MAML2: variants seen among roughly 807,000 people sequenced by gnomAD.
The protein encoded by MAML2 is mastermind like transcriptional coactivator 2, also known as mastermind-like protein 2.
MAML2 carries 22 observed loss-of-function variants against 96.1 expected under a neutral mutation model. The observed-to-expected ratio is 0.23, with a 90% CI of 0.16 to 0.33. The LOEUF (loss-of-function observed/expected upper bound fraction) is 0.33. Ranked by LOEUF, MAML2 falls within the 10% of genes least tolerant of loss-of-function variation. The probability of loss-of-function intolerance (pLI) is 1.00; values close to 1 mark genes in which losing one functional copy is unlikely to be tolerated. For missense variants in MAML2, 1,367 were observed against 1,392.4 expected, an observed-to-expected ratio of 0.98 and a Z score of 0.29; for synonymous variants, 561 against 521.3, an observed-to-expected ratio of 1.08 and a Z score of -1.04.
intron 1 of MAML2, among the ~76,000 whole-genome samples, chr11:96,236,523 C>A (rs1862369526): frequency 6.6e-6 from 1 of 152,140 alleles, no homozygotes; most frequent in Admixed American, 6.5e-5. Context: ...AGCCAGAAAT[C>A]ATTCGTTCTT....
At chr11:96,011,286 A>G (rs1805285934) in intron 2 of MAML2, among the ~76,000 whole-genome samples, 1 of 152,234 alleles carries the variant, frequency 6.6e-6, no homozygotes, top group Non-Finnish European at 1.5e-5. Flanking sequence ...TCATTGCAAC[A>G]CTGTTTACAA....
intron 2 of MAML2, among the ~76,000 whole-genome samples, chr11:96,004,338 A>G (rs1300122399): frequency 6.6e-6 from 1 of 152,206 alleles, no homozygotes; most frequent in Non-Finnish European, 1.5e-5. Context: ...TAGTTCTTAA[A>G]TCAAAATGAT....
At chr11:96,339,949 G>A (rs1440185933) in intron 1 of MAML2, among the ~76,000 whole-genome samples, 1 of 152,214 alleles carries the variant, frequency 6.6e-6, no homozygotes, top group South Asian at 2.1e-4. Context: ...AGCTAGTGCT[G>A]CTATTCAAGG....
chr11:96,179,153 T>C (rs1591057651), intron 1 of MAML2, among the ~76,000 whole-genome samples: 1 of 152,330 alleles, frequency 6.6e-6, no homozygotes, highest in East Asian at 1.9e-4. Context: ...GTTGTGACAA[T>C]GACCTTACCT....
At chr11:96,042,461 G>A (rs889668537) in intron 2 of MAML2, among the ~76,000 whole-genome samples, 2 of 152,056 alleles carry the variant, frequency 1.3e-5, no homozygotes, top group East Asian at 1.9e-4. Flanking sequence ...GTAACCTCCC[G>A]TGGTCTTCCC....
At chr11:96,321,614 A>G (rs1863701461) in intron 1 of MAML2, among the ~76,000 whole-genome samples, 1 of 152,190 alleles carries the variant, frequency 6.6e-6, no homozygotes, top group African/African-American at 2.4e-5. Context: ...AGTAGAGTCT[A>G]CAGAATTTAG....
At chr11:96,155,509 A>AATATCTATATATATATATAT in intron 1 of MAML2, among the ~76,000 whole-genome samples, 1 of 74,856 alleles carries the variant, frequency 1.3e-5, no homozygotes, top group Non-Finnish European at 2.5e-5. Flanking sequence ...TAACAATTCA[A>AATATCTATATATATATATAT]ATATATATAT....
intron 2 of MAML2, among the ~76,000 whole-genome samples, chr11:96,085,133 T>A (rs1334472710): frequency 1.3e-5 from 2 of 151,960 alleles, no homozygotes; most frequent in Non-Finnish European, 2.9e-5. Context: ...CAGAGTTCTC[T>A]AATTAGTATC....
intron 2 of MAML2, among the ~76,000 whole-genome samples, chr11:96,059,596 C>A (rs1177483699): frequency 6.6e-6 from 1 of 152,070 alleles, no homozygotes; most frequent in Non-Finnish European, 1.5e-5. Flanking sequence ...ATTCAAATTT[C>A]TCTTTTTTGG....
Position 96,172,453 on chromosome 11 carries a change from T to C in MAML2, c.514-78936A>G, listed in dbSNP as rs150021254. Among the ~76,000 whole-genome samples, 644 of 152,326 alleles carry C rather than the reference T, an allele frequency of 4.2e-3. 6 individuals carry two copies. Among genetic ancestry groups the C allele is most frequent in the African/African-American group, 0.015 (612 of 41,576 alleles). ...GCTCCTTTTACAAGATTTGGGTAAG[T>C]TATAGCAGCAAGAGAACAGCTTCTT... is the stretch of plus-strand genomic sequence containing the variant. On this transcript the variant is annotated intron_variant, in intron 1 of 4. Transcript: ENST00000524717.
At chr11:96,176,499 C>T (rs555052322) in intron 1 of MAML2, among the ~76,000 whole-genome samples, 6 of 152,190 alleles carry the variant, frequency 3.9e-5, no homozygotes, top group Non-Finnish European at 4.4e-5. Context: ...ATCTATTCTG[C>T]GGTGCTGCTG....
At chr11:96,170,319 G>A (rs1861267554) in intron 1 of MAML2, among the ~76,000 whole-genome samples, 1 of 152,140 alleles carries the variant, frequency 6.6e-6, no homozygotes, top group African/African-American at 2.4e-5. Context: ...AGTAATTAAT[G>A]GAATTTAAAA....
chr11:96,120,912 T>A (rs374318543), intron 1 of MAML2, among the ~76,000 whole-genome samples: 8 of 152,292 alleles, frequency 5.3e-5, no homozygotes, highest in African/African-American at 1.9e-4. Flanking sequence ...CATGTTTCCT[T>A]AGTTCTTGCC....
At chr11:96,228,993 T>A (rs1301229657) in intron 1 of MAML2, among the ~76,000 whole-genome samples, 1 of 151,390 alleles carries the variant, frequency 6.6e-6, no homozygotes, top group East Asian at 1.9e-4. Flanking sequence ...TGCTCCCTAG[T>A]CTCTCACCTC....
chr11:96,093,460 G>C lies in MAML2; in HGVS notation c.571C>G (p.Arg191Gly). The change falls in exon 2 of 5, where the codon CGA becomes GGA. Residue 191 changes from arginine to glycine, a missense_variant. Transcript: ENST00000524717. ...VVNLSPANSK[R>G]PNGFVDNSFL... ...GAGTTGTCCACAAAGCCATTGGGTC[G>C]CTTGCTGTTGGCAGGAGATAGGTTA... is the stretch of plus-strand genomic sequence containing the variant. The C allele has an allele frequency of 6.2e-7, 1 of 1,613,888 alleles. No homozygotes were observed. The highest frequency in any genetic ancestry group is 1.1e-5 in the South Asian group (1 of 91,026).
intron 1 of MAML2, among the ~76,000 whole-genome samples, chr11:96,256,842 A>T (rs181738538): frequency 2.0e-5 from 3 of 152,366 alleles, no homozygotes; most frequent in Admixed American, 6.5e-5. Context: ...GACTCTATCA[A>T]ATGCCATAAA....
At chr11:96,175,683 T>C (rs485956) in intron 1 of MAML2, among the ~76,000 whole-genome samples, 147,964 of 152,192 alleles carry the variant, frequency 0.97, 72,046 homozygotes, top group East Asian at 1. Flanking sequence ...CTCCACCTCC[T>C]GGGTTCAAGC....
intron 1 of MAML2, among the ~76,000 whole-genome samples, chr11:96,104,321 C>T (rs187814990): frequency 1.3e-5 from 2 of 152,210 alleles, no homozygotes; most frequent in African/African-American, 2.4e-5. Context: ...GAAGAAAACA[C>T]GTCGAGATGC....
intron 1 of MAML2, among the ~76,000 whole-genome samples, chr11:96,252,936 A>G (rs1046100563): frequency 2.6e-5 from 4 of 152,204 alleles, no homozygotes; most frequent in African/African-American, 9.7e-5. Flanking sequence ...ATGGGATCCC[A>G]TCTCAGGGTG....
Sources: allele counts gnomAD v4.1 joint callset (sites outside exome capture counted in the v4.1 genomes callset), GRCh38; gene constraint gnomAD v4.1.1; transcripts MANE v1.5; gene names NCBI Gene and HGNC (gene_info 2026-07-23, HGNC 2026-07-21).